DLC1: variants seen among roughly 807,000 people sequenced by gnomAD.
DLC1 encodes the protein DLC1 Rho GTPase activating protein.
DLC1 carries 54 observed loss-of-function variants against 140.3 expected under a neutral mutation model. That is an observed-to-expected ratio of 0.38 (90% CI 0.31 to 0.48). The LOEUF (loss-of-function observed/expected upper bound fraction) is 0.48, where lower values mean the gene tolerates loss of function less well. Ranked by LOEUF, DLC1 falls within the 20% of genes least tolerant of loss-of-function variation. The probability of loss-of-function intolerance (pLI) is 0.96; values close to 1 mark genes in which losing one functional copy is unlikely to be tolerated. For synonymous variants in DLC1, 986 were observed against 728.1 expected (o/e 1.35, Z -5.70); for missense variants, 2,536 against 1,907.0 (o/e 1.33, Z -6.14).
At chr8:13,349,956 A>G (rs1834557978) in intron 4 of DLC1, among the ~76,000 whole-genome samples, 1 of 152,184 alleles carries the variant, frequency 6.6e-6, no homozygotes, top group Non-Finnish European at 1.5e-5. Flanking sequence ...AGTCTCTGAG[A>G]CCAGCTTTTC....
At chr8:13,309,553 G>C (rs17800715) in intron 4 of DLC1, among the ~76,000 whole-genome samples, 7,757 of 152,204 alleles carry the variant, frequency 0.051, 246 homozygotes, top group South Asian at 0.12. Flanking sequence ...TCTAATGAGA[G>C]CTTTTAAAGC....
intron 5 of DLC1, among the ~76,000 whole-genome samples, chr8:13,121,612 G>C (rs1444353790): frequency 6.6e-6 from 1 of 152,112 alleles, no homozygotes; most frequent in African/African-American, 2.4e-5. Flanking sequence ...CTAGTGGCAT[G>C]ATCACAGCTC....
In DLC1 at chr8:13,094,974, A is replaced by T; in HGVS notation, c.3328-17T>A. 1.9e-6 allele frequency: 3 copies of T among 1,614,120 alleles called. No individual in the cohort carries two copies. The highest frequency in any genetic ancestry group is 2.5e-6 in the Non-Finnish European group (3 of 1,179,984). ...GAGCCCAACCTGTCGGAAGAGCAAC[A>T]CTAAGTGTGGGGTACATTCACGTGG... On this transcript the variant is annotated splice_polypyrimidine_tract_variant and intron_variant, in intron 11 of 17. Transcript: ENST00000276297.
rs576027042 is a variant in DLC1 at position 13,279,045 on chromosome 8, C to T, written c.1348+26224G>A. Among the ~76,000 whole-genome samples, 8 of 152,280 alleles carry T rather than the reference C, an allele frequency of 5.3e-5. No homozygotes were observed. In the South Asian group the frequency reaches 8.3e-4, roughly 16 times the overall value. ...GGTCTTAAATTAATGACCATAGTAA[C>T]GACAGTGACCCATTAGTGTTATCTA... is the stretch of plus-strand genomic sequence containing the variant. On this transcript the variant is annotated intron_variant, in intron 5 of 17. Coordinates refer to ENST00000276297, the MANE Select transcript of DLC1 (RefSeq NM_182643.3).
intron 5 of DLC1, chr8:13,304,949 A>C (rs929548770): frequency 3.9e-5 from 40 of 1,025,496 alleles, no homozygotes; most frequent in African/African-American, 5.1e-5. Context: ...AATTATTAAT[A>C]ACTAATTTCC....
chr8:13,536,745 GT>G (rs929222771), intron 1 of DLC1, among the ~76,000 whole-genome samples: 2 of 152,072 alleles, frequency 1.3e-5, no homozygotes, highest in African/African-American at 4.8e-5. Context: ...AGCCAATGGT[GT>G]TTTTTTGAAG....
chr8:13,146,829 A>T (rs979101369), intron 5 of DLC1, among the ~76,000 whole-genome samples: 1 of 152,198 alleles, frequency 6.6e-6, no homozygotes, highest in African/African-American at 2.4e-5. Flanking sequence ...ACCAAAGGAC[A>T]CTTCTGGTTA....
Position 13,265,475 on chromosome 8 carries a change from C to T in DLC1, c.1348+39794G>A, listed in dbSNP as rs568645383. Among the ~76,000 whole-genome samples, 6 of 152,234 alleles carry T rather than the reference C, an allele frequency of 3.9e-5. No individual in the cohort carries two copies. In the South Asian group the frequency reaches 8.3e-4, roughly 21 times the overall value. On this transcript the variant is annotated intron_variant, in intron 5 of 17. Transcript: ENST00000276297. The stretch of plus-strand genomic sequence containing the variant: ...TTTATGCAGCAAAGTGGGAGTCATG[C>T]TCAGGGTCACAGAAATAAAAACATT...
At chr8:13,549,630 C>A (rs554112181) in intron 1 of DLC1, among the ~76,000 whole-genome samples, 1 of 152,070 alleles carries the variant, frequency 6.6e-6, no homozygotes, top group South Asian at 2.1e-4. Context: ...ATTTTTAAAC[C>A]CTGTTAAAGG....
intron 4 of DLC1, among the ~76,000 whole-genome samples, chr8:13,389,950 A>G (rs1836676664): frequency 6.6e-6 from 1 of 152,172 alleles, no homozygotes; most frequent in Non-Finnish European, 1.5e-5. Context: ...TTAAAATTAA[A>G]ACTTTTGTTC....
intron 5 of DLC1, among the ~76,000 whole-genome samples, chr8:13,226,804 G>T (rs768740664): frequency 6.6e-6 from 1 of 152,170 alleles, no homozygotes; most frequent in East Asian, 1.9e-4. Flanking sequence ...AGCTTTGGGA[G>T]CCTGGAAAAT....
chr8:13,486,388 T>G (rs1361727605), intron 2 of DLC1, among the ~76,000 whole-genome samples: 2 of 152,176 alleles, frequency 1.3e-5, no homozygotes, highest in African/African-American at 4.8e-5. Flanking sequence ...GAAAGAGGCA[T>G]AAGACATTTC....
In DLC1 at chr8:13,321,164, A is replaced by G. The variant is rs559512503; in HGVS notation, c.1315-15862T>C. 2.2e-4 allele frequency among the ~76,000 whole-genome samples: 34 copies of G among 152,330 alleles called. No individual in the cohort carries two copies. The South Asian group carries it at 6.8e-3, about 31-fold the overall frequency. On this transcript the variant is annotated intron_variant, in intron 4 of 17. Transcript: ENST00000276297. ...AATCTACTACCAGGAAAGAACTTTT[A>G]AAAAAATACTTACGTCTATTCACCT...
chr8:13,584,052 C>CT (rs1183317422), intron 1 of DLC1: 9 of 152,648 alleles, frequency 5.9e-5, no homozygotes, highest in African/African-American at 2.2e-4. Flanking sequence ...TAGAAAGTGT[C>CT]TGAGTGCCTG....
intron 5 of DLC1, among the ~76,000 whole-genome samples, chr8:13,173,021 T>G (rs1825569112): frequency 1.3e-5 from 2 of 152,202 alleles, no homozygotes; most frequent in South Asian, 4.1e-4. Context: ...TGATACAGCA[T>G]TTTGTCCTGG....
In DLC1 at chr8:13,446,854, A is replaced by G. The variant is rs145355059; in HGVS notation, c.1024-45235T>C. Among the ~76,000 whole-genome samples the G allele has an allele frequency of 3.3e-3, 497 of 152,104 alleles. 11 individuals carry two copies. The South Asian group carries it at 0.061, about 19-fold the overall frequency. On this transcript the variant is annotated intron_variant, in intron 2 of 17. Transcript: ENST00000276297. The stretch of plus-strand genomic sequence containing the variant: ...CTACTTGGGAGGCTGAGGCAGAAGA[A>G]TCGCTTGAACCCGGGAGGCGGAAGT...
chr8:13,486,494 T>C (rs1800973310), intron 2 of DLC1, among the ~76,000 whole-genome samples: 1 of 152,176 alleles, frequency 6.6e-6, no homozygotes, highest in East Asian at 1.9e-4. Context: ...AGAGTTTCCA[T>C]AATAATGTTC....
chr8:13,596,929 T>C (rs1805700235), intron 1 of DLC1, among the ~76,000 whole-genome samples: 1 of 152,000 alleles, frequency 6.6e-6, no homozygotes, highest in Admixed American at 6.6e-5. Flanking sequence ...TGGATCAGAA[T>C]GCTTTCAGAA....
intron 2 of DLC1, among the ~76,000 whole-genome samples, chr8:13,427,109 C>T (rs1434568754): frequency 2.0e-5 from 3 of 152,170 alleles, no homozygotes; most frequent in Non-Finnish European, 4.4e-5. Flanking sequence ...GTCTTTTACA[C>T]ATTTGTCTTC....
Sources: allele counts gnomAD v4.1 joint callset (sites outside exome capture counted in the v4.1 genomes callset), GRCh38; gene constraint gnomAD v4.1.1; transcripts MANE v1.5; gene names NCBI Gene and HGNC (gene_info 2026-07-23, HGNC 2026-07-21).